The following XDH variants were observed in gnomAD, a reference collection of about 807,000 sequenced individuals.
XDH encodes xanthine dehydrogenase, also known as xanthine dehydrogenase/oxidase.
Under a neutral mutation model 156.1 loss-of-function variants are expected in XDH, and 138 were observed. That is an observed-to-expected ratio of 0.88 (90% CI 0.77 to 1.02). The LOEUF is 1.02. Ranked by LOEUF, XDH falls within the 50% of genes least tolerant of loss-of-function variation. The pLI is 0.00. For missense variants in XDH, 1,849 were observed against 1,684.9 expected (o/e 1.10, Z -1.71); for synonymous variants, 669 against 625.7 (o/e 1.07, Z -1.03).
Position 31,414,700 on chromosome 2 carries a change from C to G in XDH, c.-34G>C. ...GTTGGGGTCCCCGAACTCCAGGTAC[C>G]TCACTCCTAAGAGACACTGGCAGGT... is the stretch of plus-strand genomic sequence containing the variant. On this transcript the variant is annotated 5_prime_UTR_variant, in exon 1 of 36. Transcript: ENST00000379416. 1 of 1,613,934 alleles carries G rather than the reference C, an allele frequency of 6.2e-7. No individual in the cohort carries two copies. Among genetic ancestry groups the G allele is most frequent in the Non-Finnish European group, 8.5e-7 (1 of 1,179,858 alleles).
At position 31,361,047 on chromosome 2, in the gene XDH, T is replaced by C. The variant is rs138226138; in HGVS notation, c.2631+3111A>G. 3.9e-3 allele frequency among the ~76,000 whole-genome samples: 591 copies of C among 152,352 alleles called. 23 individuals are homozygous for C. In the East Asian group the frequency reaches 0.083, roughly 21 times the overall value. ...TATTCAGAGGTATAGTTTTGTTTCA[T>C]CAAGTAAAAAGAGCAACTAATTCCA... On this transcript the variant is annotated intron_variant, in intron 24 of 35. Transcript: ENST00000379416.
Position 31,372,320 on chromosome 2 carries a change from A to T in XDH, c.1764T>A (p.Ser588=). The change falls in exon 17 of 36, where the codon TCT becomes TCA. Residue 588 remains serine, a synonymous_variant. Coordinates refer to ENST00000379416, the MANE Select transcript of XDH (RefSeq NM_000379.4). ...TGTCGTCACAGTACACGGCCTCACCAGAGGCCTGCATGTCCGCTGCCAGGT... is the reference window on the plus strand; with the variant it reads ...TGTCGTCACAGTACACGGCCTCACCTGAGGCCTGCATGTCCGCTGCCAGGT... ...LPHLAADMQA[S]GEAVYCDDIP... is the part of the protein sequence containing the mutation. 1.9e-6 allele frequency: 3 copies of T among 1,614,188 alleles called. No homozygotes were observed. In the South Asian group the frequency reaches 3.3e-5, roughly 18 times the overall value.
intron 14 of XDH, among the ~76,000 whole-genome samples, chr2:31,376,440 TAGTAGTAGCAGTAAC>T (rs1572543754): frequency 6.7e-6 from 1 of 149,090 alleles, no homozygotes; most frequent in East Asian, 1.9e-4. Context: ...GTAATAGTAG[TAGTAGTAGCAGTAAC>T]AGTAGTAGTA....
chr2:31,356,330 T>C (rs1474176284), intron 24 of XDH, among the ~76,000 whole-genome samples: 1 of 152,188 alleles, frequency 6.6e-6, no homozygotes, highest in Non-Finnish European at 1.5e-5. Flanking sequence ...CCCAAAGATA[T>C]ATTCACTTTC....
chr2:31,379,810 A>G, intron 13 of XDH, 57 bp downstream of exon 13: 1 of 1,534,426 alleles, frequency 6.5e-7, no homozygotes. Flanking sequence ...CTCTTTGTCT[A>G]GAGCCTGGCA....
At chr2:31,402,259 T>C (rs1558315811) in intron 3 of XDH, among the ~76,000 whole-genome samples, 1 of 152,210 alleles carries the variant, frequency 6.6e-6, no homozygotes, top group Non-Finnish European at 1.5e-5. Flanking sequence ...GTAAGGCAAT[T>C]GTATAATTGT....
At chr2:31,407,761 TTGAC>T (rs1210635799) in intron 1 of XDH, among the ~76,000 whole-genome samples, 1 of 152,230 alleles carries the variant, frequency 6.6e-6, no homozygotes, top group Non-Finnish European at 1.5e-5. Flanking sequence ...AGATTTTTTA[TTGAC>T]TAAGAGTAAT....
At chr2:31,406,330 A>C (rs1687191037) in intron 1 of XDH, among the ~76,000 whole-genome samples, 1 of 152,102 alleles carries the variant, frequency 6.6e-6, no homozygotes, top group Non-Finnish European at 1.5e-5. Context: ...CCATGAGTAA[A>C]AACTCCTGGA....
intron 3 of XDH, among the ~76,000 whole-genome samples, chr2:31,402,831 T>C (rs192153680): frequency 2.0e-5 from 3 of 152,258 alleles, no homozygotes; most frequent in African/African-American, 7.2e-5. Flanking sequence ...TTTAGAAAAG[T>C]CATTTTATCA....
chr2:31,398,511 C>G, intron 5 of XDH, 62 bp downstream of exon 5: 1 of 1,610,488 alleles, frequency 6.2e-7, no homozygotes, highest in Non-Finnish European at 8.5e-7. Flanking sequence ...TGGCACTTGC[C>G]CTGACCTCTG....
At position 31,373,923 on chromosome 2, in the gene XDH, C is replaced by T. The variant is rs1304646995; in HGVS notation, c.1636G>A (p.Ala546Thr). Residue 546 changes from alanine to threonine, a missense_variant, in exon 16 of 36, where the codon GCA (alanine) becomes ACA (threonine). By Grantham distance (58) the Ala-to-Thr change is moderately conservative. Transcript: ENST00000379416. ...CGKLDPTFAS[A>T]TLLFQKDPPA... ...GGGTCTTTCTGAAACAGTAAAGTTG[C>T]ACTGGCGAAAGTGGGGTCCAGTTTA... The T allele has an allele frequency of 4.3e-6, 7 of 1,613,964 alleles. No homozygotes were observed. Among genetic ancestry groups the T allele is most frequent in the Middle Eastern group, 1.6e-4 (1 of 6,062 alleles).
At chr2:31,358,374 T>C (rs1685681835) in intron 24 of XDH, among the ~76,000 whole-genome samples, 1 of 152,140 alleles carries the variant, frequency 6.6e-6, no homozygotes, top group Non-Finnish European at 1.5e-5. Context: ...CACAATCTGT[T>C]CTAGAATTAG....
intron 27 of XDH, 61 bp from the exon 28 acceptor site, chr2:31,348,424 G>A: frequency 6.5e-7 from 1 of 1,530,848 alleles, no homozygotes; most frequent in Non-Finnish European, 9.0e-7. Context: ...TTAAGGTTTG[G>A]GACCAAAGGT....
rs762431704 is a variant in XDH at position 31,339,595 on chromosome 2, C to A, written c.3668G>T (p.Arg1223Leu). 1.8e-5 allele frequency: 29 copies of A among 1,614,036 alleles called. No individual in the cohort carries two copies. The highest frequency in any genetic ancestry group is 2.2e-5 in the Non-Finnish European group (26 of 1,180,018). The part of the protein sequence containing the change: ...HYSPEGSLHT[R>L]GPSTYKIPAF... ...CGGGATCTTGTAGGTGCTAGGGCCA[C>A]GGGTGTGCAGGCTCCCCTCGGGGGA... The change falls in exon 34 of 36, where the codon CGT becomes CTT. Residue 1223 changes from arginine to leucine, a missense_variant. By Grantham distance (102) the Arg-to-Leu change is moderately radical (BLOSUM62 -2). Coordinates refer to ENST00000379416, the MANE Select transcript of XDH (RefSeq NM_000379.4).
intron 6 of XDH, among the ~76,000 whole-genome samples, chr2:31,396,832 TC>T (rs1318401626): frequency 6.6e-6 from 1 of 152,190 alleles, no homozygotes; most frequent in Non-Finnish European, 1.5e-5. Flanking sequence ...GTGTTTTCCA[TC>T]CTTATAAGGT....
intron 35 of XDH, 116 bp downstream of exon 35, chr2:31,337,525 G>T: frequency 6.7e-7 from 1 of 1,497,514 alleles, no homozygotes; most frequent in Non-Finnish European, 9.3e-7. Context: ...ATTGATGCAA[G>T]GCTGCCCGGT....
Position 31,386,528 on chromosome 2 carries a change from G to T in XDH, c.679C>A (p.Leu227Met). The part of the protein sequence containing the change: ...LRLKDTPRKQ[L>M]RFEGERVTWI... ...GTCACACGCTCCCCTTCAAATCGCAGCTGCTTCCGAGGAGTGTCTTTCAGC... is the reference window on the plus strand; with the variant it reads ...GTCACACGCTCCCCTTCAAATCGCATCTGCTTCCGAGGAGTGTCTTTCAGC... Residue 227 changes from leucine to methionine, a missense_variant, in exon 9 of 36, where the codon CTG (leucine) becomes ATG (methionine). Physicochemically the swap from Leu to Met is conservative, Grantham distance 15 (BLOSUM62 2). Coordinates refer to ENST00000379416, the MANE Select transcript of XDH (RefSeq NM_000379.4). 1 of 1,614,122 alleles carries T rather than the reference G, an allele frequency of 6.2e-7. No homozygotes were observed. The highest frequency in any genetic ancestry group is 8.5e-7 in the Non-Finnish European group (1 of 1,180,020).
chr2:31,413,197 T>C (rs1281673311), intron 1 of XDH, among the ~76,000 whole-genome samples: 1 of 152,332 alleles, frequency 6.6e-6, no homozygotes, highest in South Asian at 2.1e-4. Flanking sequence ...TTACCCAATG[T>C]AAAAATTACT....
chr2:31,384,502 G>C (rs764698227), intron 9 of XDH: 1 of 155,560 alleles, frequency 6.4e-6, no homozygotes, highest in Non-Finnish European at 1.4e-5. Context: ...CTGGCTTTGC[G>C]GGGCCACACA....
Sources: gnomAD v4.1 joint callset for allele counts (sites outside exome capture counted in the v4.1 genomes callset) on GRCh38, gnomAD v4.1.1 for gene constraint, MANE v1.5 for transcripts, NCBI Gene and HGNC (gene_info 2026-07-23, HGNC 2026-07-21) for gene names.